Variants in IGF1R observed in about 807,000 individuals in gnomAD.
IGF1R encodes insulin-like growth factor 1 receptor.
Under a neutral mutation model 144.6 loss-of-function variants are expected in IGF1R, and 44 were observed. The ratio of observed to expected loss-of-function variants is 0.30; its 90% CI spans 0.24 to 0.39. IGF1R has a LOEUF of 0.39. Among genes scored for constraint, IGF1R ranks in the 10% least tolerant of loss-of-function variants. The pLI is 1.00. For missense variants in IGF1R, 1,355 were observed against 1,833.7 expected (o/e 0.74, Z 4.77); for synonymous variants, 795 against 722.8 (o/e 1.10, Z -1.60).
chr15:98,878,823 C>G (rs1180815004), intron 2 of IGF1R, among the ~76,000 whole-genome samples: 1 of 151,894 alleles, frequency 6.6e-6, no homozygotes, highest in Non-Finnish European at 1.5e-5. Flanking sequence ...AAACCAACCC[C>G]GTCTCTACTA....
chr15:98,711,150 C>G (rs990443924), intron 2 of IGF1R, among the ~76,000 whole-genome samples: 6 of 152,164 alleles, frequency 3.9e-5, no homozygotes, highest in Non-Finnish European at 8.8e-5. Flanking sequence ...CAGCCAGAAC[C>G]CTTAGGAATC....
chr15:98,928,068 C>G (rs992713107), intron 13 of IGF1R, among the ~76,000 whole-genome samples: 1 of 152,336 alleles, frequency 6.6e-6, no homozygotes, highest in African/African-American at 2.4e-5. Context: ...TCTTTCTGTT[C>G]AGCCACCCCT....
intron 1 of IGF1R, among the ~76,000 whole-genome samples, chr15:98,666,259 C>T (rs547281464): frequency 1.3e-5 from 2 of 152,062 alleles, no homozygotes; most frequent in East Asian, 3.9e-4. Flanking sequence ...ACCCTTGTGC[C>T]TTACTGGTGA....
intron 9 of IGF1R, 92 bp from the exon 10 acceptor site, chr15:98,916,580 G>A (rs1279139186): frequency 1.8e-6 from 2 of 1,134,438 alleles, no homozygotes; most frequent in African/African-American, 3.1e-5. Flanking sequence ...CTATCTTCTT[G>A]ATTAAAGGTA....
chr15:98,918,264 G>A (rs890583360), intron 10 of IGF1R, among the ~76,000 whole-genome samples: 2 of 152,116 alleles, frequency 1.3e-5, no homozygotes, highest in African/African-American at 4.8e-5. Context: ...AGCACCCGCT[G>A]CCAGCACCCC....
chr15:98,892,336 G>T (rs2151645915), intron 3 of IGF1R, among the ~76,000 whole-genome samples: 1 of 152,126 alleles, frequency 6.6e-6, no homozygotes, highest in Non-Finnish European at 1.5e-5. Context: ...TGGATCACTT[G>T]AGGTCAGAGT....
At chr15:98,929,436 G>T (rs2015853854) in intron 13 of IGF1R, 122 bp from the exon 14 acceptor site, 1 of 771,684 alleles carries the variant, frequency 1.3e-6, no homozygotes, top group Admixed American at 1.8e-5. Context: ...AATTCTTACT[G>T]TATGATGGGG....
chr15:98,938,409 A>G (rs576205392), intron 17 of IGF1R, among the ~76,000 whole-genome samples: 2 of 152,322 alleles, frequency 1.3e-5, no homozygotes, highest in South Asian at 4.1e-4. Flanking sequence ...TTGTTTTAGG[A>G]TGGAGAGACT....
At chr15:98,739,740 C>T (rs1368484447) in intron 2 of IGF1R, among the ~76,000 whole-genome samples, 3 of 152,276 alleles carry the variant, frequency 2.0e-5, no homozygotes, top group East Asian at 1.9e-4. Flanking sequence ...TGCAGGTGCA[C>T]GCCACCACAT....
chr15:98,737,005 C>A (rs959511534), intron 2 of IGF1R, among the ~76,000 whole-genome samples: 16 of 152,074 alleles, frequency 1.1e-4, no homozygotes, highest in African/African-American at 2.2e-4. Flanking sequence ...TGCCAAGACT[C>A]GTAGAACTAA....
At chr15:98,916,585 A>G in intron 9 of IGF1R, 87 bp from the exon 10 acceptor site, 2 of 1,154,200 alleles carry the variant, frequency 1.7e-6, no homozygotes, top group Non-Finnish European at 2.6e-6. Context: ...TTCTTGATTA[A>G]AGGTACTGAG....
Position 98,935,234 on chromosome 15 carries a change from C to A in IGF1R, c.3187-82C>A. 1.9e-6 allele frequency: 2 copies of A among 1,048,568 alleles called. No homozygotes were observed. Among genetic ancestry groups the A allele is most frequent in the Non-Finnish European group, 1.5e-6 (1 of 689,380 alleles). The allele number at this position is 1,048,568 out of a possible 1,614,324, so 65.0% of individuals were successfully genotyped here. On this transcript the variant is annotated intron_variant, in intron 16 of 20. Transcript: ENST00000650285. This position sits in a 1 kb window ranked among gnomAD's most constrained non-coding sequence, Gnocchi z 4.2. The stretch of plus-strand genomic sequence containing the variant: ...CCTGTGCTCAGACCAGGCCGCAGCA[C>A]CACAGAGACAGTTCCAGACAACACA...
At chr15:98,716,660 T>G (rs2054125062) in intron 2 of IGF1R, among the ~76,000 whole-genome samples, 1 of 152,164 alleles carries the variant, frequency 6.6e-6, no homozygotes. Context: ...TGAACTGCAT[T>G]GCGGGAGTAG....
intron 1 of IGF1R, among the ~76,000 whole-genome samples, chr15:98,657,348 G>T (rs1181144627): frequency 6.6e-6 from 1 of 152,196 alleles, no homozygotes. Flanking sequence ...CCAATTGACT[G>T]CATCAGCTTA....
intron 2 of IGF1R, among the ~76,000 whole-genome samples, chr15:98,843,140 C>T (rs2011204951): frequency 1.3e-5 from 2 of 152,196 alleles, no homozygotes; most frequent in Non-Finnish European, 2.9e-5. Flanking sequence ...TGAAATTGCT[C>T]TTACCATTCT....
At chr15:98,665,669 C>A (rs2052718653) in intron 1 of IGF1R, among the ~76,000 whole-genome samples, 1 of 152,152 alleles carries the variant, frequency 6.6e-6, no homozygotes, top group Non-Finnish European at 1.5e-5. Context: ...TGTGGAGAAC[C>A]CTGAGAACCT....
chr15:98,773,648 C>T (rs143527924), intron 2 of IGF1R, among the ~76,000 whole-genome samples: 2 of 152,220 alleles, frequency 1.3e-5, no homozygotes, highest in Non-Finnish European at 2.9e-5. Flanking sequence ...AGCATTCGAG[C>T]GTCCTCCCCT....
intron 2 of IGF1R, among the ~76,000 whole-genome samples, chr15:98,828,111 C>T (rs1402258443): frequency 2.6e-5 from 4 of 152,106 alleles, no homozygotes; most frequent in Non-Finnish European, 5.9e-5. Flanking sequence ...GTCCAGCGTG[C>T]CTGTTACAGT....
chr15:98,664,847 T>A lies in IGF1R; in HGVS notation c.94+15172T>A, dbSNP rs139262653. ...GATAGAGGAAATACGCATTAGAAGT[T>A]ATTTACTTCCTTTAAAAAAAAAAAT... On this transcript the variant is annotated intron_variant, in intron 1 of 20. Coordinates refer to ENST00000650285, the MANE Select transcript of IGF1R (RefSeq NM_000875.5). Among the ~76,000 whole-genome samples, 234 of 151,782 alleles carry A rather than the reference T, an allele frequency of 1.5e-3. 1 individual carries two copies. Among genetic ancestry groups the A allele is most frequent in the African/African-American group, 5.4e-3 (222 of 41,136 alleles).
Sources: gnomAD v4.1 joint callset for allele counts (sites outside exome capture counted in the v4.1 genomes callset) on GRCh38, gnomAD v4.1.1 for gene constraint, Gnocchi (gnomAD v3.1) non-coding constraint, MANE v1.5 for transcripts, NCBI Gene and HGNC (gene_info 2026-07-23, HGNC 2026-07-21) for gene names.